The following PEPD variants were observed in gnomAD, a reference collection of about 807,000 sequenced individuals.
The protein encoded by PEPD is peptidase D, also known as xaa-Pro dipeptidase.
Under a neutral mutation model 60.7 loss-of-function variants are expected in PEPD, and 53 were observed. The observed-to-expected ratio is 0.87, with a 90% CI of 0.70 to 1.10. The LOEUF (loss-of-function observed/expected upper bound fraction) is 1.10, where lower values mean the gene tolerates loss of function less well. PEPD is among the 50% of genes least tolerant of loss of function. PEPD has a pLI of 0.00. For synonymous variants in PEPD, 267 were observed against 284.1 expected (o/e 0.94, Z 0.60); for missense variants, 711 against 711.9 (o/e 1.00, Z 0.01).
At chr19:33,414,889 G>A (rs1426631555) in intron 9 of PEPD, among the ~76,000 whole-genome samples, 1 of 152,204 alleles carries the variant, frequency 6.6e-6, no homozygotes, top group African/African-American at 2.4e-5. Context: ...AGCTGCCAGG[G>A]AAGCAAGAAA....
At chr19:33,476,981 G>T (rs1336693338) in intron 7 of PEPD, 1 of 152,170 alleles carries the variant, frequency 6.6e-6, no homozygotes, top group Non-Finnish European at 1.5e-5. Context: ...TTTTTTAAAT[G>T]CAAACCCAAT....
At chr19:33,507,374 G>A (rs891605749) in intron 3 of PEPD, among the ~76,000 whole-genome samples, 1 of 152,184 alleles carries the variant, frequency 6.6e-6, no homozygotes, top group Non-Finnish European at 1.5e-5. Context: ...ATTGTTAGCA[G>A]AGACTCTGAA....
chr19:33,447,848 G>A (rs886524619), intron 9 of PEPD, among the ~76,000 whole-genome samples: 1 of 152,214 alleles, frequency 6.6e-6, no homozygotes, highest in Non-Finnish European at 1.5e-5. Flanking sequence ...CACAGACAGA[G>A]TCCAAACCCT....
intron 9 of PEPD, among the ~76,000 whole-genome samples, chr19:33,453,005 C>G (rs7257814): frequency 0.045 from 6,846 of 152,224 alleles, 524 homozygotes; most frequent in African/African-American, 0.16. Context: ...CTATTTTGAG[C>G]CTGTATAAAA....
intron 2 of PEPD, 56 bp downstream of exon 2, chr19:33,512,537 C>G: frequency 6.4e-7 from 1 of 1,558,034 alleles, no homozygotes; most frequent in Non-Finnish European, 8.8e-7. Flanking sequence ...AACTCCTGCT[C>G]AGGACAGCAG....
intron 9 of PEPD, among the ~76,000 whole-genome samples, chr19:33,435,979 TGGA>T (rs1314770381): frequency 1.3e-5 from 2 of 152,130 alleles, no homozygotes; most frequent in African/African-American, 2.4e-5. Flanking sequence ...GGGCAGCTGC[TGGA>T]GGAGAATATG....
At chr19:33,516,158 A>G (rs887098639) in intron 1 of PEPD, among the ~76,000 whole-genome samples, 4 of 152,164 alleles carry the variant, frequency 2.6e-5, no homozygotes, top group Admixed American at 2.0e-4. Context: ...AAAGTTTTAT[A>G]GAGACATGCC....
chr19:33,414,645 C>T (rs747260796), intron 9 of PEPD, among the ~76,000 whole-genome samples: 18 of 149,004 alleles, frequency 1.2e-4, no homozygotes, highest in Non-Finnish European at 2.1e-4. Flanking sequence ...CGCCACATGG[C>T]GGTCCTGCCC....
chr19:33,422,933 T>A (rs1969060733), intron 9 of PEPD, among the ~76,000 whole-genome samples: 1 of 152,092 alleles, frequency 6.6e-6, no homozygotes, highest in African/African-American at 2.4e-5. Flanking sequence ...GTATCATCTA[T>A]CCATTTATCA....
intron 12 of PEPD, 61 bp from the exon 13 acceptor site, chr19:33,391,540 G>A (rs894083519): frequency 2.1e-6 from 3 of 1,444,008 alleles, no homozygotes; most frequent in Non-Finnish European, 2.8e-6. Flanking sequence ...CGCAGGGCCA[G>A]GGGCTGGGAG....
chr19:33,413,691 C>T (rs1361321920), intron 9 of PEPD, 48 bp from the exon 10 acceptor site: 4 of 1,144,698 alleles, frequency 3.5e-6, no homozygotes, highest in Admixed American at 3.9e-5. Context: ...AGCAGGCACA[C>T]CCCACTCCAC....
intron 7 of PEPD, among the ~76,000 whole-genome samples, chr19:33,471,854 A>G (rs924631902): frequency 1.3e-5 from 2 of 152,168 alleles, no homozygotes; most frequent in African/African-American, 4.8e-5. Flanking sequence ...ACCTGTGTCT[A>G]CAAAACATTT....
intron 9 of PEPD, among the ~76,000 whole-genome samples, chr19:33,433,297 T>C (rs73927889): frequency 0.059 from 9,042 of 152,254 alleles, 649 homozygotes; most frequent in African/African-American, 0.17. Context: ...TGTTTTCTCC[T>C]TAAACTGCAG....
At chr19:33,510,935 C>T (rs751083114) in intron 3 of PEPD, 93 bp downstream of exon 3, 4 of 1,376,172 alleles carry the variant, frequency 2.9e-6, no homozygotes, top group Middle Eastern at 2.4e-4. Flanking sequence ...CCTCCCCGTC[C>T]CCAGGCCCAA....
At chr19:33,439,858 A>C (rs1969450958) in intron 9 of PEPD, among the ~76,000 whole-genome samples, 1 of 152,174 alleles carries the variant, frequency 6.6e-6, no homozygotes, top group African/African-American at 2.4e-5. Context: ...AGCAAATGCC[A>C]AACTTTCCAA....
intron 11 of PEPD, among the ~76,000 whole-genome samples, chr19:33,402,946 A>T (rs1200065564): frequency 1.3e-5 from 2 of 152,202 alleles, no homozygotes; most frequent in Non-Finnish European, 2.9e-5. Context: ...AGGGCCCGGA[A>T]GGAGTAGGGC....
At chr19:33,463,467 G>A (rs1431062766) in intron 8 of PEPD, among the ~76,000 whole-genome samples, 1 of 152,210 alleles carries the variant, frequency 6.6e-6, no homozygotes, top group Non-Finnish European at 1.5e-5. Context: ...AATTACCCTT[G>A]TCTGTTTCCT....
chr19:33,417,463 CCCAG>C (rs1968914418), intron 9 of PEPD, among the ~76,000 whole-genome samples: 1 of 152,186 alleles, frequency 6.6e-6, no homozygotes, highest in African/African-American at 2.4e-5. Context: ...GCCCCACATA[CCCAG>C]CCTTCTGGGA....
chr19:33,433,066 G>A (rs1343798014), intron 9 of PEPD, among the ~76,000 whole-genome samples: 2 of 152,200 alleles, frequency 1.3e-5, no homozygotes. Context: ...TCCTGAACAA[G>A]CCAGTGGTCC....
Sources: allele counts gnomAD v4.1 joint callset (sites outside exome capture counted in the v4.1 genomes callset), GRCh38; gene constraint gnomAD v4.1.1; transcripts MANE v1.5; gene names NCBI Gene and HGNC (gene_info 2026-07-23, HGNC 2026-07-21).